The following SLC4A4 variants were observed in gnomAD, a reference collection of about 807,000 sequenced individuals.
The protein encoded by SLC4A4 is solute carrier family 4 member 4.
In SLC4A4, 27 loss-of-function variants were observed where a neutral mutation model predicts 111.5. That is an observed-to-expected ratio of 0.24 (90% CI 0.18 to 0.33). The LOEUF (loss-of-function observed/expected upper bound fraction) is 0.33. Ranked by LOEUF, SLC4A4 falls within the 10% of genes least tolerant of loss-of-function variation. SLC4A4 has a pLI of 1.00. For missense variants in SLC4A4, 909 were observed against 1,315.5 expected (o/e 0.69, Z 4.78); for synonymous variants, 443 against 463.4 (o/e 0.96, Z 0.57).
intron 3 of SLC4A4, among the ~76,000 whole-genome samples, chr4:71,267,462 C>G (rs1722353461): frequency 6.6e-6 from 1 of 152,144 alleles, no homozygotes; most frequent in Non-Finnish European, 1.5e-5. Context: ...TTATCTAAGG[C>G]AGGCCATCAA....
chr4:71,473,100 C>T, intron 14 of SLC4A4, 130 bp downstream of exon 14: 1 of 1,051,516 alleles, frequency 9.5e-7, no homozygotes, highest in South Asian at 1.3e-5. Flanking sequence ...CTGAAAAACT[C>T]TGCTACTGAA....
Position 71,386,062 on chromosome 4 carries a change from A to G in SLC4A4, c.731-11515A>G, listed in dbSNP as rs184368907. Among the ~76,000 whole-genome samples the G allele has an allele frequency of 1.3e-3, 196 of 151,616 alleles. 1 individual carries two copies. The highest frequency in any genetic ancestry group is 3.0e-3 in the African/African-American group (124 of 41,334). Reference sequence around the variant, plus strand: ...TCTATATATATTTTTTTCATGCTCAATTGATGATTTGGAAGCATATAGAAT... The same window carrying G: ...TCTATATATATTTTTTTCATGCTCAGTTGATGATTTGGAAGCATATAGAAT... On this transcript the variant is annotated intron_variant, in intron 6 of 25. Transcript: ENST00000264485.
intron 3 of SLC4A4, among the ~76,000 whole-genome samples, chr4:71,295,598 A>G (rs1156535304): frequency 6.6e-6 from 1 of 152,090 alleles, no homozygotes; most frequent in Non-Finnish European, 1.5e-5. Context: ...ATGCTTATTT[A>G]TTGCAGCATC....
chr4:71,144,950 G>A (rs1229019085), intron 2 of SLC4A4, among the ~76,000 whole-genome samples: 2 of 151,884 alleles, frequency 1.3e-5, no homozygotes, highest in Non-Finnish European at 2.9e-5. Flanking sequence ...TCCTTCTCCT[G>A]CCTGATTGCC....
intron 3 of SLC4A4, among the ~76,000 whole-genome samples, chr4:71,275,917 A>T (rs957692662): frequency 2.6e-5 from 4 of 152,232 alleles, no homozygotes; most frequent in African/African-American, 9.6e-5. Context: ...GAAGCTGGTG[A>T]TTTACCTCTG....
intron 2 of SLC4A4, among the ~76,000 whole-genome samples, chr4:71,094,036 G>A (rs1478457999): frequency 1.3e-5 from 2 of 152,058 alleles, no homozygotes; most frequent in African/African-American, 4.8e-5. Flanking sequence ...AAAGTGCTAG[G>A]GGCTGGTAAC....
chr4:71,119,431 G>T (rs558713803), intron 2 of SLC4A4, among the ~76,000 whole-genome samples: 1 of 151,786 alleles, frequency 6.6e-6, no homozygotes. Flanking sequence ...GTTCAGGCTG[G>T]AGTGCAGTGG....
At chr4:71,460,079 T>C (rs1420986117) in intron 12 of SLC4A4, among the ~76,000 whole-genome samples, 1 of 152,078 alleles carries the variant, frequency 6.6e-6, no homozygotes, top group Admixed American at 6.6e-5. Context: ...TGAGAAATAT[T>C]ACAAAACATA....
intron 2 of SLC4A4, among the ~76,000 whole-genome samples, chr4:71,142,277 C>T (rs1359021675): frequency 6.6e-6 from 1 of 152,192 alleles, no homozygotes; most frequent in African/African-American, 2.4e-5. Context: ...TTTACTAAAA[C>T]TAACACAAAC....
At chr4:71,182,216 A>C (rs1162560127) in intron 2 of SLC4A4, among the ~76,000 whole-genome samples, 1 of 152,206 alleles carries the variant, frequency 6.6e-6, no homozygotes, top group Non-Finnish European at 1.5e-5. Flanking sequence ...TCTGTGGTAG[A>C]ACTGAGCATC....
At chr4:71,555,092 T>C in intron 20 of SLC4A4, 48 bp from the exon 21 acceptor site, 2 of 1,306,290 alleles carry the variant, frequency 1.5e-6, no homozygotes, top group Non-Finnish European at 2.2e-6. Context: ...TTCATTCCTC[T>C]TTTTTCTTGT....
intron 2 of SLC4A4, among the ~76,000 whole-genome samples, chr4:71,108,161 C>T (rs141338802): frequency 3.3e-5 from 5 of 152,232 alleles, no homozygotes; most frequent in Non-Finnish European, 5.9e-5. Context: ...AATGAATCTC[C>T]TAAATTATGT....
intron 3 of SLC4A4, among the ~76,000 whole-genome samples, chr4:71,266,489 C>A (rs1722269519): frequency 6.6e-6 from 1 of 152,162 alleles, no homozygotes; most frequent in Admixed American, 6.5e-5. Context: ...ATTTTTGTCA[C>A]TTTCACTAAT....
chr4:71,398,690 C>T (rs1045841675), intron 7 of SLC4A4, among the ~76,000 whole-genome samples: 1 of 152,160 alleles, frequency 6.6e-6, no homozygotes, highest in Non-Finnish European at 1.5e-5. Context: ...GAAGAAGGAA[C>T]ATGAAGCAAG....
chr4:71,262,255 A>G (rs1435532939), intron 3 of SLC4A4, among the ~76,000 whole-genome samples: 1 of 152,220 alleles, frequency 6.6e-6, no homozygotes, highest in Non-Finnish European at 1.5e-5. Flanking sequence ...GGTTCTTAAT[A>G]CCAGGGATTT....
chr4:71,375,764 A>G (rs1313369153), intron 6 of SLC4A4, among the ~76,000 whole-genome samples: 1 of 152,134 alleles, frequency 6.6e-6, no homozygotes, highest in Non-Finnish European at 1.5e-5. Flanking sequence ...GGTTTTGTAA[A>G]TAAAGTTTTG....
At chr4:71,416,072 A>C (rs62302842) in intron 7 of SLC4A4, among the ~76,000 whole-genome samples, 11,066 of 152,288 alleles carry the variant, frequency 0.073, 596 homozygotes, top group Middle Eastern at 0.12. Flanking sequence ...TCTAATTCCA[A>C]AGCTTATTCC....
chr4:71,162,817 C>T (rs1377895091), intron 2 of SLC4A4, among the ~76,000 whole-genome samples: 1 of 152,182 alleles, frequency 6.6e-6, no homozygotes, highest in African/African-American at 2.4e-5. Flanking sequence ...AGACAAGACG[C>T]TTAAGGACCC....
intron 5 of SLC4A4, among the ~76,000 whole-genome samples, chr4:71,351,740 C>T (rs1222711852): frequency 6.6e-6 from 1 of 152,038 alleles, no homozygotes; most frequent in African/African-American, 2.4e-5. Flanking sequence ...TGTAAAGATG[C>T]TGGATGGACA....
Sources: allele counts gnomAD v4.1 joint callset (sites outside exome capture counted in the v4.1 genomes callset), GRCh38; gene constraint gnomAD v4.1.1; transcripts MANE v1.5; gene names NCBI Gene and HGNC (gene_info 2026-07-23, HGNC 2026-07-21).